MOB3B: variants seen among roughly 807,000 people sequenced by gnomAD.
MOB3B encodes the protein MOB kinase activator-like 2B.
MOB3B carries 7 observed loss-of-function variants against 18.7 expected under a neutral mutation model. The ratio of observed to expected loss-of-function variants is 0.37; its 90% CI spans 0.21 to 0.70. MOB3B has a LOEUF of 0.70. MOB3B is among the 30% of genes least tolerant of loss of function. MOB3B has a pLI of 0.52. For missense variants in MOB3B, 253 were observed against 281.3 expected (o/e 0.90, Z 0.72); for synonymous variants, 111 against 99.9 (o/e 1.11, Z -0.66).
intron 1 of MOB3B, among the ~76,000 whole-genome samples, chr9:27,459,720 C>G (rs1186607557): frequency 1.3e-5 from 2 of 151,760 alleles, no homozygotes; most frequent in Non-Finnish European, 2.9e-5. Context: ...AGCCCAGCAC[C>G]CAGCACCTAG....
At chr9:27,448,401 G>C (rs1822727407) in intron 2 of MOB3B, among the ~76,000 whole-genome samples, 1 of 152,184 alleles carries the variant, frequency 6.6e-6, no homozygotes. Flanking sequence ...TGGACTTACA[G>C]TTCCACATGG....
intron 3 of MOB3B, among the ~76,000 whole-genome samples, chr9:27,345,738 A>C (rs1375479070): frequency 6.6e-6 from 1 of 152,126 alleles, no homozygotes; most frequent in Non-Finnish European, 1.5e-5. Context: ...CTCCTGTTTC[A>C]CCTGAGTCGC....
intron 2 of MOB3B, among the ~76,000 whole-genome samples, chr9:27,418,802 C>T (rs1302849471): frequency 6.6e-6 from 1 of 151,854 alleles, no homozygotes; most frequent in Non-Finnish European, 1.5e-5. Flanking sequence ...CTCACCACTC[C>T]TCTTCAGACA....
intron 1 of MOB3B, among the ~76,000 whole-genome samples, chr9:27,472,885 C>T (rs1388654652): frequency 1.3e-5 from 2 of 152,120 alleles, no homozygotes; most frequent in Non-Finnish European, 2.9e-5. Flanking sequence ...TACAGAGTTC[C>T]GCAAACACAA....
At chr9:27,399,976 C>T (rs1288524209) in intron 2 of MOB3B, among the ~76,000 whole-genome samples, 1 of 152,052 alleles carries the variant, frequency 6.6e-6, no homozygotes. Flanking sequence ...ATCTCAAGCC[C>T]AACTGCTCCT....
chr9:27,428,933 C>T (rs759552744), intron 2 of MOB3B, among the ~76,000 whole-genome samples: 3 of 152,194 alleles, frequency 2.0e-5, no homozygotes, highest in Admixed American at 6.5e-5. Context: ...GCTTTCCCAC[C>T]ACCTGGTGGA....
At chr9:27,461,940 C>T (rs1819294980) in intron 1 of MOB3B, among the ~76,000 whole-genome samples, 1 of 152,122 alleles carries the variant, frequency 6.6e-6, no homozygotes, top group Non-Finnish European at 1.5e-5. Flanking sequence ...GAAACATTAC[C>T]TACTGACAGT....
At chr9:27,385,015 A>G (rs1447745955) in intron 2 of MOB3B, among the ~76,000 whole-genome samples, 1 of 152,190 alleles carries the variant, frequency 6.6e-6, no homozygotes, top group Non-Finnish European at 1.5e-5. Context: ...GGGACAACTA[A>G]GGGATGGAGA....
At chr9:27,356,653 A>G (rs1465379206) in intron 3 of MOB3B, among the ~76,000 whole-genome samples, 1 of 152,130 alleles carries the variant, frequency 6.6e-6, no homozygotes, top group East Asian at 1.9e-4. Context: ...GAGTGCTTCC[A>G]CAGCCTCTTC....
intron 3 of MOB3B, among the ~76,000 whole-genome samples, chr9:27,334,291 G>A (rs10738769): frequency 0.23 from 34,650 of 151,938 alleles, 4,120 homozygotes; most frequent in East Asian, 0.28. Flanking sequence ...TAATTTTTTT[G>A]TCCTTTGCGG....
rs533317287 is a variant in MOB3B, at chr9:27,352,194, A to G, written c.621+6840T>C. On this transcript the variant is annotated intron_variant, in intron 3 of 3. Transcript: ENST00000262244. ...TCAGGAGTTCCAGACCAGCCTGGGAAACGTAGTGAGACCCTGTCTCTACAA... is the reference window on the plus strand; with the variant it reads ...TCAGGAGTTCCAGACCAGCCTGGGAGACGTAGTGAGACCCTGTCTCTACAA... 5.9e-5 allele frequency among the ~76,000 whole-genome samples: 9 copies of G among 152,214 alleles called. No individual in the cohort carries two copies. The South Asian group carries it at 1.9e-3, about 32-fold the overall frequency.
At chr9:27,432,144 T>C (rs570808565) in intron 2 of MOB3B, among the ~76,000 whole-genome samples, 25 of 152,330 alleles carry the variant, frequency 1.6e-4, no homozygotes, top group South Asian at 1.0e-3. Flanking sequence ...ATTATTAAAA[T>C]GGTCACAGAA....
At chr9:27,336,662 A>G (rs1263008526) in intron 3 of MOB3B, among the ~76,000 whole-genome samples, 1 of 152,030 alleles carries the variant, frequency 6.6e-6, no homozygotes, top group Non-Finnish European at 1.5e-5. Flanking sequence ...TATGTTGTGT[A>G]CTTCTCACTA....
At chr9:27,409,963 A>G (rs1477974701) in intron 2 of MOB3B, among the ~76,000 whole-genome samples, 3 of 152,302 alleles carry the variant, frequency 2.0e-5, no homozygotes, top group South Asian at 2.1e-4. Context: ...ATGTATGCAG[A>G]GTTTCAGTTT....
In MOB3B at chr9:27,363,429, C is replaced by T. The variant is rs372569780; in HGVS notation, c.419-4193G>A. 2.9e-4 allele frequency among the ~76,000 whole-genome samples: 44 copies of T among 151,956 alleles called. 2 individuals carry two copies. In the East Asian group the frequency reaches 3.7e-3, roughly 13 times the overall value. On this transcript the variant is annotated intron_variant, in intron 2 of 3. Coordinates refer to ENST00000262244, the MANE Select transcript of MOB3B (RefSeq NM_024761.5). ...GACTACAGGCGCCCGCCGCCACGCC[C>T]GGCTAATTTTTTGTATTTTTAGTAG...
intron 2 of MOB3B, among the ~76,000 whole-genome samples, chr9:27,377,430 G>A (rs977569517): frequency 6.6e-6 from 1 of 152,150 alleles, no homozygotes; most frequent in East Asian, 1.9e-4. Context: ...GCCGGGCTTG[G>A]TCATCTGGAC....
intron 2 of MOB3B, among the ~76,000 whole-genome samples, chr9:27,387,918 T>C (rs1242354729): frequency 6.6e-6 from 1 of 152,082 alleles, no homozygotes; most frequent in East Asian, 1.9e-4. Context: ...CTTACAGCCA[T>C]GTTTCTCAAC....
intron 3 of MOB3B, among the ~76,000 whole-genome samples, chr9:27,357,097 G>A (rs1196896759): frequency 1.0e-5 from 1 of 96,062 alleles, no homozygotes. Flanking sequence ...GTCTTGCTTT[G>A]TTCCAGGACT....
chr9:27,404,179 G>A (rs766514971), intron 2 of MOB3B, among the ~76,000 whole-genome samples: 6 of 150,704 alleles, frequency 4.0e-5, no homozygotes, highest in South Asian at 2.1e-4. Context: ...ACATATTAAC[G>A]AGAACATGTG....
Sources: allele counts gnomAD v4.1 joint callset (sites outside exome capture counted in the v4.1 genomes callset), GRCh38; gene constraint gnomAD v4.1.1; transcripts MANE v1.5; gene names NCBI Gene and HGNC (gene_info 2026-07-23, HGNC 2026-07-21).